ABCC1: variants seen among roughly 807,000 people sequenced by gnomAD.
ABCC1 encodes multidrug resistance-associated protein 1.
ABCC1 carries 83 observed loss-of-function variants against 172.9 expected under a neutral mutation model. That is an observed-to-expected ratio of 0.48 (90% CI 0.40 to 0.58). ABCC1 has a LOEUF of 0.58. ABCC1 is among the 20% of genes least tolerant of loss of function. ABCC1 has a pLI of 0.00. For synonymous variants in ABCC1, 937 were observed against 825.2 expected, an observed-to-expected ratio of 1.14 and a Z score of -2.32; for missense variants, 1,817 against 2,002.7, an observed-to-expected ratio of 0.91 and a Z score of 1.77.
chr16:16,074,678 A>G (rs956033198), intron 14 of ABCC1, among the ~76,000 whole-genome samples: 2 of 151,946 alleles, frequency 1.3e-5, no homozygotes. Context: ...GTTCTCTGCA[A>G]CCTCTCTGTC....
At chr16:16,108,261 GTTTC>G (rs72422138) in intron 21 of ABCC1, among the ~76,000 whole-genome samples, 35,434 of 144,828 alleles carry the variant, frequency 0.24, 4,421 homozygotes, top group South Asian at 0.32. Context: ...CACGCTTATC[GTTTC>G]TTTGTGTCTT....
At chr16:16,101,959 G>A (rs1336327011) in intron 19 of ABCC1, among the ~76,000 whole-genome samples, 4 of 152,144 alleles carry the variant, frequency 2.6e-5, no homozygotes, top group Non-Finnish European at 5.9e-5. Flanking sequence ...GGTCTCATCT[G>A]AAGACTCAAT....
chr16:16,117,026 G>C (rs548926212), intron 23 of ABCC1, among the ~76,000 whole-genome samples: 40 of 152,122 alleles, frequency 2.6e-4, no homozygotes, highest in Non-Finnish European at 2.2e-4. Flanking sequence ...TGGGACTGGG[G>C]GGGATTTCAT....
chr16:16,088,624 A>G (rs905376949), intron 18 of ABCC1, among the ~76,000 whole-genome samples: 7 of 152,228 alleles, frequency 4.6e-5, no homozygotes, highest in African/African-American at 1.4e-4. Flanking sequence ...AACAGGAAGA[A>G]TATTTTATGA....
intron 8 of ABCC1, 105 bp downstream of exon 8, chr16:16,044,785 C>A: frequency 9.8e-7 from 1 of 1,020,522 alleles, no homozygotes; most frequent in Non-Finnish European, 1.5e-6. Flanking sequence ...CTGAAGTGGG[C>A]TCATAGCCAG....
chr16:15,989,336 C>T (rs1316369443), intron 1 of ABCC1, among the ~76,000 whole-genome samples: 2 of 152,160 alleles, frequency 1.3e-5, no homozygotes, highest in African/African-American at 2.4e-5. Flanking sequence ...CTGGCTTCAG[C>T]CGCCTTCCTC....
upstream of ABCC1, among the ~76,000 whole-genome samples, chr16:15,949,279 G>C (rs1015110328): frequency 6.6e-6 from 1 of 152,056 alleles, no homozygotes. Context: ...CTCCGTTCAC[G>C]TTATTTTCCC....
At chr16:16,071,513 G>A (rs2050347336) in intron 13 of ABCC1, 129 bp from the exon 14 acceptor site, 1 of 666,028 alleles carries the variant, frequency 1.5e-6, no homozygotes, top group African/African-American at 1.8e-5. Flanking sequence ...TAAGAAATGT[G>A]GGACCTTCAG....
Position 16,048,258 on chromosome 16 carries a change from G to T in ABCC1, c.1335G>T (p.Trp445Cys). ...MDLATYINMI[W>C]SAPLQVILAL... The stretch of plus-strand genomic sequence containing the variant: ...TGGCCACGTACATTAACATGATCTG[G>T]TCAGCCCCCCTGCAAGTCATCCTTG... The change falls in exon 10 of 31, where the codon TGG (tryptophan) becomes TGT (cysteine). Residue 445 changes from tryptophan (W) to cysteine (C), a missense_variant. By Grantham distance (215) the Trp-to-Cys change is radical (BLOSUM62 -2). This residue lies in a region of ABCC1 where 1,412 missense variants were observed against 1,600.3 expected (regional missense o/e 0.88). Coordinates refer to ENST00000399410, the MANE Select transcript of ABCC1 (RefSeq NM_004996.4). 1.2e-6 allele frequency: 2 copies of T among 1,614,180 alleles called. No homozygotes were observed. Among genetic ancestry groups the T allele is most frequent in the Non-Finnish European group, 1.7e-6 (2 of 1,180,022 alleles).
chr16:16,139,577 A>G (rs542732723), intron 30 of ABCC1, among the ~76,000 whole-genome samples: 1 of 139,820 alleles, frequency 7.2e-6, no homozygotes, highest in South Asian at 2.4e-4. Flanking sequence ...GTGCCACTGC[A>G]GTCCAGCCTG....
intron 1 of ABCC1, among the ~76,000 whole-genome samples, chr16:15,978,273 G>A (rs1375782453): frequency 6.6e-6 from 1 of 152,060 alleles, no homozygotes; most frequent in Non-Finnish European, 1.5e-5. Flanking sequence ...AGGTGAGGAG[G>A]GAGGATCTCC....
At chr16:16,076,667 G>C (rs1279960459) in intron 15 of ABCC1, among the ~76,000 whole-genome samples, 1 of 152,218 alleles carries the variant, frequency 6.6e-6, no homozygotes, top group African/African-American at 2.4e-5. Context: ...AGACAATACA[G>C]GAGATTCTTG....
At chr16:15,949,926 C>T in intron 1 of ABCC1, 127 bp downstream of exon 1, 20 of 783,966 alleles carry the variant, frequency 2.6e-5, no homozygotes, top group Non-Finnish European at 3.1e-5. Flanking sequence ...GGGCCCGGGA[C>T]CCTCACGTCG....
chr16:16,132,031 C>T (rs2045697086), intron 27 of ABCC1, 96 bp downstream of exon 27: 2 of 1,450,036 alleles, frequency 1.4e-6, no homozygotes, highest in Non-Finnish European at 1.9e-6. Flanking sequence ...CCCAGTCACT[C>T]ACGGCTCCAC....
intron 20 of ABCC1, among the ~76,000 whole-genome samples, chr16:16,104,738 C>T (rs2051987170): frequency 6.6e-6 from 1 of 152,160 alleles, no homozygotes; most frequent in Admixed American, 6.5e-5. Flanking sequence ...GTCCGGGAGG[C>T]TCGGGCCGCG....
intron 20 of ABCC1, 165 bp from the exon 21 acceptor site, chr16:16,106,573 T>TA: frequency 1.4e-6 from 1 of 713,020 alleles, no homozygotes; most frequent in Non-Finnish European, 2.2e-6. Flanking sequence ...AGTGACATGG[T>TA]GGGGTGTGGT....
In ABCC1 at chr16:16,090,536, G is replaced by C; in HGVS notation, c.2592G>C (p.Glu864Asp). The C allele has an allele frequency of 1.2e-6, 2 of 1,613,666 alleles. No individual in the cohort carries two copies. The highest frequency in any genetic ancestry group is 1.7e-6 in the Non-Finnish European group (2 of 1,179,812). ...TGGCTCGAGACGGCGCCTTCGCTGA[G>C]TTCCTGCGTACCTATGCCAGCACAG... ...ELLARDGAFA[E>D]FLRTYASTEQ... Residue 864 changes from glutamate (E) to aspartate (D), a missense_variant, in exon 19 of 31, where the codon GAG becomes GAC. This residue lies in a region of ABCC1 where 1,412 missense variants were observed against 1,600.3 expected (regional missense o/e 0.88). Transcript: ENST00000399410.
intron 14 of ABCC1, among the ~76,000 whole-genome samples, chr16:16,072,453 G>T (rs893528766): frequency 6.6e-6 from 1 of 151,220 alleles, no homozygotes; most frequent in African/African-American, 2.4e-5. Context: ...CCAAAGTGCT[G>T]GGCTTATAGG....
rs2051829438 is a variant in ABCC1, at chr16:16,102,803, C to T, written c.2735+86C>T. ...GGAGGAACAAAAAAAGGCCTCAGCCCCCTGAGGTCCTGGAAGGCCTGGGCT... is the reference window on the plus strand; with the variant it reads ...GGAGGAACAAAAAAAGGCCTCAGCCTCCTGAGGTCCTGGAAGGCCTGGGCT... On this transcript the variant is annotated intron_variant, in intron 20 of 30. Coordinates refer to ENST00000399410, the MANE Select transcript of ABCC1 (RefSeq NM_004996.4). 6 of 1,302,178 alleles carry T rather than the reference C, an allele frequency of 4.6e-6. No homozygotes were observed. In the South Asian group the frequency reaches 5.3e-5, roughly 12 times the overall value. The allele number at this position is 1,302,178 out of a possible 1,614,324, so 80.7% of individuals were successfully genotyped here. A position where few individuals can be genotyped will look rare whatever the true frequency, so the allele number is the denominator to read the frequency against.
Sources: gnomAD v4.1 joint callset for allele counts (sites outside exome capture counted in the v4.1 genomes callset) on GRCh38, gnomAD v4.1.1 for gene constraint, gnomAD v4.1.1 regional missense constraint, MANE v1.5 for transcripts, NCBI Gene and HGNC (gene_info 2026-07-23, HGNC 2026-07-21) for gene names.